The following ZDHHC17 variants were observed in gnomAD, a reference collection of about 807,000 sequenced individuals.
ZDHHC17 encodes palmitoyltransferase ZDHHC17.
Under a neutral mutation model 90.3 loss-of-function variants are expected in ZDHHC17, and 40 were observed. The observed-to-expected ratio is 0.44, with a 90% CI of 0.34 to 0.58. The LOEUF is 0.58. Among genes scored for constraint, ZDHHC17 ranks in the 20% least tolerant of loss-of-function variants. The pLI is 0.01. For synonymous variants in ZDHHC17, 235 were observed against 252.4 expected, an observed-to-expected ratio of 0.93 and a Z score of 0.65; for missense variants, 614 against 780.8, an observed-to-expected ratio of 0.79 and a Z score of 2.55.
intron 3 of ZDHHC17, among the ~76,000 whole-genome samples, chr12:76,808,045 T>C (rs1288694577): frequency 6.6e-6 from 1 of 152,152 alleles, no homozygotes; most frequent in East Asian, 1.9e-4. Flanking sequence ...AATTGGGCCC[T>C]TCATTGCATA....
intron 1 of ZDHHC17, among the ~76,000 whole-genome samples, chr12:76,794,945 A>C (rs1209456083): frequency 3.3e-5 from 5 of 152,180 alleles, no homozygotes; most frequent in Non-Finnish European, 5.9e-5. Context: ...ACATTTTCAA[A>C]GTTTTTTCAA....
chr12:76,805,994 A>T (rs1952949451), intron 3 of ZDHHC17, among the ~76,000 whole-genome samples: 1 of 152,134 alleles, frequency 6.6e-6, no homozygotes, highest in Non-Finnish European at 1.5e-5. Context: ...TTTAGTATTA[A>T]TAAGAAATAG....
Position 76,786,516 on chromosome 12 carries a change from A to C in ZDHHC17, c.94-10918A>C, listed in dbSNP as rs539728090. ...AGCAGTCCACCCGCCTCGGCCTCCCAAAGTGCTGGGATTACAGGCATGAGT... is the reference window on the plus strand; with the variant it reads ...AGCAGTCCACCCGCCTCGGCCTCCCCAAGTGCTGGGATTACAGGCATGAGT... On this transcript the variant is annotated intron_variant, in intron 1 of 16. Coordinates refer to ENST00000426126, the MANE Select transcript of ZDHHC17 (RefSeq NM_015336.4). 2.6e-3 allele frequency among the ~76,000 whole-genome samples: 393 copies of C among 152,178 alleles called. 3 individuals carry two copies. The highest frequency in any genetic ancestry group is 9.3e-3 in the African/African-American group (386 of 41,520).
chr12:76,764,275 C>A lies in ZDHHC17; in HGVS notation c.39C>A (p.Asp13Glu). 1.2e-6 allele frequency: 2 copies of A among 1,606,948 alleles called. No individual in the cohort carries two copies. Among genetic ancestry groups the A allele is most frequent in the African/African-American group, 2.7e-5 (2 of 74,812 alleles). ...REEGFNTKMA[D>E]GPDEYDTEAG... ...AGGGATTTAACACCAAGATGGCGGACGGCCCGGATGAGTACGATACCGAAG... is the reference window on the plus strand; with the variant it reads ...AGGGATTTAACACCAAGATGGCGGAAGGCCCGGATGAGTACGATACCGAAG... Residue 13 changes from aspartate (D) to glutamate (E), a missense_variant, in exon 1 of 17, where the codon GAC (aspartate) becomes GAA (glutamate). This residue lies in a region of ZDHHC17 where 358 missense variants were observed against 380.4 expected (regional missense o/e 0.94). Transcript: ENST00000426126.
At chr12:76,844,223 T>G (rs184644518) in intron 12 of ZDHHC17, 1 of 152,152 alleles carries the variant, frequency 6.6e-6, no homozygotes, top group African/African-American at 2.4e-5. Context: ...AGAATAAGAC[T>G]AATTTTGTCA....
chr12:76,799,151 A>G (rs1027064701), intron 2 of ZDHHC17, among the ~76,000 whole-genome samples: 2 of 152,152 alleles, frequency 1.3e-5, no homozygotes, highest in Non-Finnish European at 2.9e-5. Context: ...AAAACAAGCA[A>G]AAAAAGAATT....
chr12:76,809,870 TCA>T lies in ZDHHC17; in HGVS notation c.543+14_543+15del. The T allele has an allele frequency of 6.2e-7, 1 of 1,606,240 alleles. No individual in the cohort carries two copies. The highest frequency in any genetic ancestry group is 8.5e-7 in the Non-Finnish European group (1 of 1,175,750). ...AGCAAAAGGACAGGTAAAAAAAATCTCAGTGGTATGGATTTTAATCAGATGTT... is the reference window on the plus strand; with the variant it reads ...AGCAAAAGGACAGGTAAAAAAAATCTGTGGTATGGATTTTAATCAGATGTT... On this transcript the variant is annotated intron_variant, in intron 5 of 16. Transcript: ENST00000426126.
At chr12:76,773,960 T>C (rs1030398230) in intron 1 of ZDHHC17, among the ~76,000 whole-genome samples, 10 of 152,150 alleles carry the variant, frequency 6.6e-5, no homozygotes, top group Non-Finnish European at 8.8e-5. Flanking sequence ...AGGTAAAATA[T>C]ACTTCTGGCT....
At chr12:76,810,261 G>A (rs1299073498) in intron 5 of ZDHHC17, among the ~76,000 whole-genome samples, 1 of 152,034 alleles carries the variant, frequency 6.6e-6, no homozygotes, top group African/African-American at 2.4e-5. Context: ...AGTTTCTGCT[G>A]TATAAGATAA....
chr12:76,846,778 A>G (rs1443590926), intron 14 of ZDHHC17, 99 bp downstream of exon 14: 1 of 1,083,418 alleles, frequency 9.2e-7, no homozygotes, highest in Non-Finnish European at 1.3e-6. Flanking sequence ...AAGGTCGTTT[A>G]ACTAAAATTA....
At chr12:76,793,765 C>T (rs527442508) in intron 1 of ZDHHC17, among the ~76,000 whole-genome samples, 33 of 152,244 alleles carry the variant, frequency 2.2e-4, no homozygotes, top group African/African-American at 6.5e-4. Context: ...AATGGAATTA[C>T]TGCGTTCTTA....
chr12:76,825,496 T>A (rs908460025), intron 8 of ZDHHC17, among the ~76,000 whole-genome samples: 17 of 152,302 alleles, frequency 1.1e-4, no homozygotes, highest in Middle Eastern at 3.4e-3. Context: ...GTAGTAAATC[T>A]TCTCTAATGT....
intron 10 of ZDHHC17, among the ~76,000 whole-genome samples, chr12:76,833,756 G>T (rs1025783967): frequency 6.6e-6 from 1 of 152,152 alleles, no homozygotes; most frequent in Admixed American, 6.5e-5. Flanking sequence ...TTGCGCCACT[G>T]CACTCCAGCC....
At chr12:76,771,761 C>G (rs1592455989) in intron 1 of ZDHHC17, among the ~76,000 whole-genome samples, 1 of 151,736 alleles carries the variant, frequency 6.6e-6, no homozygotes, top group African/African-American at 2.4e-5. Context: ...AAAAAAAGTT[C>G]TTTGAGTTGA....
chr12:76,795,204 T>TGTTTG (rs1291255709), intron 1 of ZDHHC17, among the ~76,000 whole-genome samples: 1 of 150,502 alleles, frequency 6.6e-6, no homozygotes, highest in Non-Finnish European at 1.5e-5. Flanking sequence ...AAAATGTTGA[T>TGTTTG]GTTTGGTTCA....
intron 5 of ZDHHC17, among the ~76,000 whole-genome samples, chr12:76,813,667 C>T (rs1953051720): frequency 6.6e-6 from 1 of 151,996 alleles, no homozygotes; most frequent in African/African-American, 2.4e-5. Flanking sequence ...AATTAGGTAA[C>T]ACAACTTGGA....
chr12:76,834,481 A>T (rs774132916), intron 10 of ZDHHC17, among the ~76,000 whole-genome samples: 1 of 152,190 alleles, frequency 6.6e-6, no homozygotes, highest in Non-Finnish European at 1.5e-5. Flanking sequence ...GTTATCTCCC[A>T]TGCATTCCCT....
At chr12:76,793,972 A>G (rs891783163) in intron 1 of ZDHHC17, among the ~76,000 whole-genome samples, 4 of 151,924 alleles carry the variant, frequency 2.6e-5, no homozygotes, top group Admixed American at 1.3e-4. Flanking sequence ...TGCAAGCTCC[A>G]CCTCCTGGGT....
rs79856951 is a variant in ZDHHC17 at position 76,793,528 on chromosome 12, G to A, written c.94-3906G>A. On this transcript the variant is annotated intron_variant, in intron 1 of 16. Coordinates refer to ENST00000426126, the MANE Select transcript of ZDHHC17 (RefSeq NM_015336.4). ...GAGTGAGGCTCTGCCTCAAAAGAAG[G>A]GAATGAGTGTGTGGAGTTTGAAATC... 4.6e-3 allele frequency among the ~76,000 whole-genome samples: 700 copies of A among 152,154 alleles called. 6 individuals are homozygous for A. The highest frequency in any genetic ancestry group is 0.016 in the African/African-American group (672 of 41,522).
Sources: gnomAD v4.1 joint callset for allele counts (sites outside exome capture counted in the v4.1 genomes callset) on GRCh38, gnomAD v4.1.1 for gene constraint, gnomAD v4.1.1 regional missense constraint, MANE v1.5 for transcripts, NCBI Gene and HGNC (gene_info 2026-07-23, HGNC 2026-07-21) for gene names.